Variants in NOSTRIN observed in about 807,000 individuals in gnomAD.
NOSTRIN encodes BM247 homolog.
In NOSTRIN, 63 loss-of-function variants were observed where a neutral mutation model predicts 59.0. That is an observed-to-expected ratio of 1.07 (90% CI 0.87 to 1.32). The LOEUF is 1.32. Among genes scored for constraint, NOSTRIN ranks in the 40% most tolerant of loss-of-function variants. The pLI, the probability that NOSTRIN is intolerant of heterozygous loss-of-function variation, is 0.00. For missense variants in NOSTRIN, 512 were observed against 473.1 expected (o/e 1.08, Z -0.76); for synonymous variants, 200 against 165.4 (o/e 1.21, Z -1.61).
At position 168,845,259 on chromosome 2, in the gene NOSTRIN, CTCA is replaced by C. The variant is rs1459506728; in HGVS notation, c.630+2146_630+2148del. ...GGGCTCTGATCTTGCCTCACCTCACCTCATCACTTCCTGATGAAGCCGTGGTCT... is the reference window on the plus strand; with the variant it reads ...GGGCTCTGATCTTGCCTCACCTCACCTCACTTCCTGATGAAGCCGTGGTCT... On this transcript the variant is annotated intron_variant, in intron 8 of 15. Transcript: ENST00000317647. 2.0e-5 allele frequency among the ~76,000 whole-genome samples: 3 copies of C among 152,218 alleles called. No homozygotes were observed. In the East Asian group the frequency reaches 5.8e-4, roughly 29 times the overall value.
At chr2:168,854,752 G>A (rs746913119) in intron 10 of NOSTRIN, among the ~76,000 whole-genome samples, 5 of 152,154 alleles carry the variant, frequency 3.3e-5, no homozygotes, top group African/African-American at 7.2e-5. Flanking sequence ...TTGCCTCCTC[G>A]AAGCTGTCAG....
chr2:168,799,288 A>G (rs1685558560), upstream of NOSTRIN, among the ~76,000 whole-genome samples: 1 of 152,136 alleles, frequency 6.6e-6, no homozygotes, highest in African/African-American at 2.4e-5. Flanking sequence ...TCTTTCCTTT[A>G]GGTTCACATT....
intron 14 of NOSTRIN, among the ~76,000 whole-genome samples, chr2:168,861,260 G>A (rs1459413640): frequency 6.6e-6 from 1 of 152,098 alleles, no homozygotes; most frequent in Non-Finnish European, 1.5e-5. Context: ...CCCATAAGAA[G>A]CCTGTCCTCT....
At chr2:168,793,274 G>A (rs1233620218), upstream of NOSTRIN, among the ~76,000 whole-genome samples, 4 of 152,142 alleles carry the variant, frequency 2.6e-5, no homozygotes, top group African/African-American at 7.2e-5. Context: ...TCTCTTTAGA[G>A]TTTCTACACT....
At chr2:168,844,172 A>T (rs930085235) in intron 8 of NOSTRIN, among the ~76,000 whole-genome samples, 1 of 152,164 alleles carries the variant, frequency 6.6e-6, no homozygotes, top group African/African-American at 2.4e-5. Flanking sequence ...GTGTTTGTAA[A>T]CTTATACATG....
At chr2:168,797,072 C>CT (rs1168296049), upstream of NOSTRIN, among the ~76,000 whole-genome samples, 3 of 85,350 alleles carry the variant, frequency 3.5e-5, no homozygotes, top group African/African-American at 1.2e-4. Flanking sequence ...CTTTCTTTTT[C>CT]TTTTTTCTTT....
intron 1 of NOSTRIN, among the ~76,000 whole-genome samples, chr2:168,787,143 T>G (rs1463657344): frequency 1.3e-5 from 2 of 152,100 alleles, no homozygotes; most frequent in African/African-American, 4.8e-5. Context: ...AGCAGAAAGC[T>G]AGGAAGAATG....
upstream of NOSTRIN, among the ~76,000 whole-genome samples, chr2:168,793,188 G>A (rs1315553235): frequency 6.6e-6 from 1 of 152,124 alleles, no homozygotes; most frequent in Non-Finnish European, 1.5e-5. Flanking sequence ...CTGCCACCTG[G>A]GTTAGTTAAG....
intron 13 of NOSTRIN, among the ~76,000 whole-genome samples, chr2:168,859,867 C>T (rs1007557298): frequency 2.6e-5 from 4 of 152,174 alleles, no homozygotes; most frequent in South Asian, 2.1e-4. Context: ...CTAAAAAACA[C>T]TTTTGATTTC....
At chr2:168,801,059 T>G (rs1359298719), upstream of NOSTRIN, 1 of 151,916 alleles carries the variant, frequency 6.6e-6, no homozygotes, top group South Asian at 2.1e-4. Flanking sequence ...TTTCTTTTAT[T>G]ATACAGAGTT....
chr2:168,833,812 A>G (rs1027695944), intron 6 of NOSTRIN, among the ~76,000 whole-genome samples: 4 of 92,014 alleles, frequency 4.3e-5, no homozygotes, highest in African/African-American at 2.5e-4. Flanking sequence ...TCTTAAAACA[A>G]TCTCAAATCG....
At chr2:168,802,796 G>C in intron 1 of NOSTRIN, 123 bp downstream of exon 1, 2 of 766,878 alleles carry the variant, frequency 2.6e-6, no homozygotes, top group South Asian at 3.0e-5. Flanking sequence ...TTAGATATTG[G>C]CTGTGGTGCA....
At chr2:168,847,407 C>A (rs541435427) in intron 8 of NOSTRIN, among the ~76,000 whole-genome samples, 2 of 152,228 alleles carry the variant, frequency 1.3e-5, no homozygotes, top group South Asian at 2.1e-4. Flanking sequence ...GACCTGGGAG[C>A]CTCTGAATCA....
intron 2 of NOSTRIN, among the ~76,000 whole-genome samples, chr2:168,788,821 T>A (rs1274049116): frequency 1.3e-5 from 2 of 152,092 alleles, no homozygotes; most frequent in Admixed American, 1.3e-4. Context: ...GATATCAAAA[T>A]GAACACAGAT....
At chr2:168,840,529 C>CAAAAAAA (rs59235003) in intron 7 of NOSTRIN, among the ~76,000 whole-genome samples, 46 of 99,316 alleles carry the variant, frequency 4.6e-4, no homozygotes, top group Non-Finnish European at 6.3e-4. Context: ...GACTCCATCT[C>CAAAAAAA]AAAAAAAAAA....
intron 10 of NOSTRIN, among the ~76,000 whole-genome samples, chr2:168,853,569 A>T (rs1246853941): frequency 3.3e-5 from 5 of 152,244 alleles, no homozygotes. Flanking sequence ...ATACATGTTT[A>T]AACAATAGAT....
At chr2:168,831,655 A>T (rs1687369099) in intron 6 of NOSTRIN, 121 bp downstream of exon 6, 1 of 647,176 alleles carries the variant, frequency 1.5e-6, no homozygotes, top group Non-Finnish European at 2.9e-6. Context: ...TGAAGAGAAA[A>T]ATGTTTCCTT....
intron 2 of NOSTRIN, among the ~76,000 whole-genome samples, chr2:168,790,472 G>T (rs1253413677): frequency 2.0e-5 from 3 of 152,172 alleles, no homozygotes; most frequent in African/African-American, 4.8e-5. Flanking sequence ...AATGAGTCAC[G>T]TGAATGAATG....
chr2:168,839,915 ATATATATGTG>A (rs1484394583), intron 7 of NOSTRIN, among the ~76,000 whole-genome samples: 8 of 92,006 alleles, frequency 8.7e-5, no homozygotes, highest in East Asian at 3.7e-4. Context: ...ATATATATAT[ATATATATGTG>A]TGTGTGTGTG....
Sources: gnomAD v4.1 joint callset for allele counts (sites outside exome capture counted in the v4.1 genomes callset) on GRCh38, gnomAD v4.1.1 for gene constraint, MANE v1.5 for transcripts, NCBI Gene and HGNC (gene_info 2026-07-23, HGNC 2026-07-21) for gene names.